Variants in ZNF527 observed in about 807,000 individuals in gnomAD.
The protein encoded by ZNF527 is zinc finger protein 527.
ZNF527 carries 5 observed loss-of-function variants against 13.5 expected under a neutral mutation model. The ratio of observed to expected loss-of-function variants is 0.37; its 90% CI spans 0.19 to 0.78. ZNF527 has a LOEUF of 0.78. Among genes scored for constraint, ZNF527 ranks in the 30% least tolerant of loss-of-function variants. The pLI, the probability that ZNF527 is intolerant of heterozygous loss-of-function variation, is 0.48. For synonymous variants in ZNF527, 209 were observed against 243.1 expected, an observed-to-expected ratio of 0.86 and a Z score of 1.30; for missense variants, 628 against 726.4, an observed-to-expected ratio of 0.86 and a Z score of 1.56.
chr19:37,380,226 G>A, intron 3 of ZNF527, 51 bp from the exon 4 acceptor site: 3 of 1,607,204 alleles, frequency 1.9e-6, no homozygotes, highest in Non-Finnish European at 2.6e-6. Context: ...TGATTTGTTT[G>A]TCTGTATGTC....
chr19:37,377,829 A>G (rs966780313), intron 2 of ZNF527, among the ~76,000 whole-genome samples: 1 of 151,914 alleles, frequency 6.6e-6, no homozygotes, highest in African/African-American at 2.4e-5. Context: ...CCTTCCTTTC[A>G]TCTCTTGCTT....
chr19:37,383,913 AT>A, intron 4 of ZNF527, among the ~76,000 whole-genome samples: 1 of 152,220 alleles, frequency 6.6e-6, no homozygotes, highest in East Asian at 1.9e-4. Context: ...ATATAAACCA[AT>A]CTGATTTTCT....
chr19:37,378,693 G>C (rs746228110), intron 2 of ZNF527, among the ~76,000 whole-genome samples: 1 of 152,014 alleles, frequency 6.6e-6, no homozygotes, highest in Non-Finnish European at 1.5e-5. Context: ...TATGTTCCTG[G>C]ACGTTTCTCC....
rs781660823 is a variant in ZNF527, at chr19:37,379,152, C to T, written c.66C>T (p.Asp22=). The stretch of plus-strand genomic sequence containing the variant: ...TGACCTTCAGAGATGTGGCGCTAGA[C>T]TTTTCCCAAGAAGAGTGGGAATGGC... ...GLVTFRDVAL[D]FSQEEWEWLK... The change falls in exon 3 of 5, where the codon GAC becomes GAT. Residue 22 remains aspartate (D), a synonymous_variant. Transcript: ENST00000436120. 6.2e-7 allele frequency: 1 copy of T among 1,614,018 alleles called. No homozygotes were observed. Among genetic ancestry groups the T allele is most frequent in the South Asian group, 1.1e-5 (1 of 91,072 alleles).
At chr19:37,375,311 T>TTTCC (rs760003304) in intron 2 of ZNF527, among the ~76,000 whole-genome samples, 1,174 of 79,822 alleles carry the variant, frequency 0.015, 47 homozygotes, top group African/African-American at 0.044. Context: ...TCTTTCTTTC[T>TTTCC]TTTCTTTCTT....
chr19:37,387,633 C>G (rs2040711182), intron 4 of ZNF527, among the ~76,000 whole-genome samples: 1 of 152,176 alleles, frequency 6.6e-6, no homozygotes, highest in Non-Finnish European at 1.5e-5. Flanking sequence ...CAACCAATAT[C>G]CTCTCCTGAA....
At chr19:37,384,096 G>T (rs2146817440) in intron 4 of ZNF527, among the ~76,000 whole-genome samples, 1 of 151,934 alleles carries the variant, frequency 6.6e-6, no homozygotes, top group Admixed American at 6.6e-5. Flanking sequence ...GAGGTGGGTG[G>T]ATCACGAGGT....
chr19:37,373,135 T>C (rs2040572131), intron 1 of ZNF527, among the ~76,000 whole-genome samples: 1 of 152,200 alleles, frequency 6.6e-6, no homozygotes, highest in Admixed American at 6.5e-5. Flanking sequence ...TTTGTAGTTT[T>C]GTGGAGCAGT....
intron 2 of ZNF527, among the ~76,000 whole-genome samples, chr19:37,376,025 G>C (rs2040604808): frequency 6.6e-6 from 1 of 152,152 alleles, no homozygotes; most frequent in Non-Finnish European, 1.5e-5. Context: ...CATCATTGTG[G>C]TGGGTTTAAG....
chr19:37,371,420 C>T (rs966524194), intron 1 of ZNF527, among the ~76,000 whole-genome samples, 194 bp downstream of exon 1: 1 of 152,068 alleles, frequency 6.6e-6, no homozygotes, highest in African/African-American at 2.4e-5. Context: ...TGTTTGTGCG[C>T]GTGCGCCCGC....
At position 37,389,320 on chromosome 19, in the gene ZNF527, GC is replaced by G; in HGVS notation, c.1272del (p.Ser424ArgfsTer4). ...TGTAATCAGTGTGGAAAAGCCTTCA[GC>G]AGACGCATAGCCCTTACTCTACATC... Reference protein sequence around the residue: ...YECNQCGKAFSRRIALTLHQR... With the variant: ...YECNQCGKAFXRRIALTLHQR... On this transcript the variant is annotated frameshift_variant, in exon 5 of 5. Coordinates refer to ENST00000436120, the MANE Select transcript of ZNF527 (RefSeq NM_032453.2). LOFTEE classifies it low-confidence loss of function (END_TRUNC). 1 of 1,614,172 alleles carries G rather than the reference GC, an allele frequency of 6.2e-7. No homozygotes were observed. Among genetic ancestry groups the G allele is most frequent in the Non-Finnish European group, 8.5e-7 (1 of 1,180,030 alleles).
At chr19:37,374,103 A>C in intron 1 of ZNF527, 55 bp from the exon 2 acceptor site, 1 of 1,263,188 alleles carries the variant, frequency 7.9e-7, no homozygotes, top group East Asian at 2.3e-5. Context: ...TGGGTCTTGG[A>C]CCAAAAACAC....
At chr19:37,385,091 G>A in intron 4 of ZNF527, 1 of 496,818 alleles carries the variant, frequency 2.0e-6, no homozygotes, top group Non-Finnish European at 3.6e-6. Flanking sequence ...ATCCCAAACT[G>A]TTGGGATTAC....
intron 2 of ZNF527, among the ~76,000 whole-genome samples, chr19:37,374,728 T>A (rs1481191044): frequency 6.6e-6 from 1 of 152,216 alleles, no homozygotes; most frequent in African/African-American, 2.4e-5. Context: ...GTCAGAGGTA[T>A]AGCTGGGAAC....
intron 2 of ZNF527, 113 bp downstream of exon 2, chr19:37,374,344 C>T (rs756028758): frequency 1.0e-6 from 1 of 953,188 alleles, no homozygotes; most frequent in Non-Finnish European, 1.7e-6. Flanking sequence ...CTTCTCTCTC[C>T]ACCTTTTGTT....
chr19:37,386,587 A>G (rs990655703), intron 4 of ZNF527, among the ~76,000 whole-genome samples: 25 of 152,266 alleles, frequency 1.6e-4, no homozygotes, highest in African/African-American at 5.5e-4. Flanking sequence ...TTAAATTTAA[A>G]TTGCTGCTTA....
In ZNF527 at chr19:37,392,029, A is replaced by C. The variant is rs1351409700; in HGVS notation, c.*2150A>C. 1 of 152,222 alleles carries C rather than the reference A, an allele frequency of 6.6e-6. No individual in the cohort carries two copies. Among genetic ancestry groups the C allele is most frequent in the African/African-American group, 2.4e-5 (1 of 41,460 alleles). The allele number at this position is 152,222 out of a possible 1,614,324, so 9.4% of individuals were successfully genotyped here. A position where few individuals can be genotyped will look rare whatever the true frequency, so the allele number is the denominator to read the frequency against. On this transcript the variant is annotated 3_prime_UTR_variant, in exon 5 of 5. Transcript: ENST00000436120. Reference sequence around the variant, plus strand: ...TTCAACTTATACTTATTTCTAATAAAATCTGAAAATTATTTTTCATAAATA... The same window carrying C: ...TTCAACTTATACTTATTTCTAATAACATCTGAAAATTATTTTTCATAAATA...
intron 2 of ZNF527, among the ~76,000 whole-genome samples, chr19:37,375,200 G>C (rs2040588835): frequency 1.3e-5 from 2 of 151,836 alleles, no homozygotes; most frequent in Non-Finnish European, 2.9e-5. Flanking sequence ...TATACATCTG[G>C]AGTTCAGGAC....
intron 2 of ZNF527, among the ~76,000 whole-genome samples, chr19:37,378,502 T>C (rs1206557306): frequency 6.6e-6 from 1 of 152,238 alleles, no homozygotes; most frequent in African/African-American, 2.4e-5. Flanking sequence ...AGTTTTGTAA[T>C]AGATACTGGA....
Sources: gnomAD v4.1 joint callset for allele counts (sites outside exome capture counted in the v4.1 genomes callset) on GRCh38, gnomAD v4.1.1 for gene constraint, MANE v1.5 for transcripts, NCBI Gene and HGNC (gene_info 2026-07-23, HGNC 2026-07-21) for gene names.